Variants in INTS4 observed in about 807,000 individuals in gnomAD.
INTS4 encodes the protein integrator complex subunit 4, also known as MSTP093.
Under a neutral mutation model 119.5 loss-of-function variants are expected in INTS4, and 70 were observed. The observed-to-expected ratio is 0.59, with a 90% confidence interval of 0.48 to 0.71. The LOEUF (loss-of-function observed/expected upper bound fraction) is 0.71. Among genes scored for constraint, INTS4 ranks in the 30% least tolerant of loss-of-function variants. The probability of loss-of-function intolerance (pLI) is 0.00; values close to 1 mark genes in which losing one functional copy is unlikely to be tolerated. For missense variants in INTS4, 867 were observed against 1,173.2 expected, an observed-to-expected ratio of 0.74 and a Z score of 3.81; for synonymous variants, 316 against 419.6, an observed-to-expected ratio of 0.75 and a Z score of 3.02.
At position 77,928,579 on chromosome 11, in the gene INTS4, A is replaced by C. The variant is rs758368001; in HGVS notation, c.1166-32T>G. On this transcript the variant is annotated intron_variant, in intron 10 of 22. Transcript: ENST00000534064. ...AAAAGAACAAATGAAATTGCACATC[A>C]GGCTGGGCACAGTGGCTCACGCCTG... 7 of 1,547,774 alleles carry C rather than the reference A, an allele frequency of 4.5e-6. No homozygotes were observed. In the South Asian group the frequency reaches 8.3e-5, roughly 18 times the overall value.
chr11:77,901,859 C>T (rs1952787921), intron 17 of INTS4, among the ~76,000 whole-genome samples: 2 of 151,548 alleles, frequency 1.3e-5, no homozygotes, highest in South Asian at 4.2e-4. Context: ...TAAATGAAGC[C>T]CACTCTGCTG....
rs199582141 is a variant in INTS4, at chr11:77,880,334, TC to T, written c.2714-1208del. 2.1e-3 allele frequency among the ~76,000 whole-genome samples: 316 copies of T among 152,254 alleles called. 1 individual carries two copies. Among genetic ancestry groups the T allele is most frequent in the African/African-American group, 7.3e-3 (303 of 41,550 alleles). On this transcript the variant is annotated intron_variant, in intron 22 of 22. Transcript: ENST00000534064. ...CAGAGTAGAGACTGGATTGCTGTCC[TC>T]CAGGAAGGGAAAGGTTTGCAGTCAG...
At chr11:77,875,041 CA>C (rs397791397), downstream of INTS4, among the ~76,000 whole-genome samples, 271 of 120,770 alleles carry the variant, frequency 2.2e-3, no homozygotes, top group Non-Finnish European at 2.3e-3. Flanking sequence ...GACTCCATCT[CA>C]AAAAAAAAAA....
intron 8 of INTS4, among the ~76,000 whole-genome samples, chr11:77,949,205 A>G (rs922966120): frequency 3.9e-5 from 6 of 152,240 alleles, no homozygotes; most frequent in African/African-American, 1.4e-4. Context: ...TAAGCCAGAC[A>G]TGGAAAGGCA....
At chr11:77,917,121 T>C (rs1363811242) in intron 15 of INTS4, among the ~76,000 whole-genome samples, 1 of 152,102 alleles carries the variant, frequency 6.6e-6, no homozygotes, top group Non-Finnish European at 1.5e-5. Flanking sequence ...ATCCATCTTG[T>C]CTACATGGGC....
chr11:77,879,522 A>T (rs998258837), intron 22 of INTS4, among the ~76,000 whole-genome samples: 3 of 152,204 alleles, frequency 2.0e-5, no homozygotes, highest in African/African-American at 7.2e-5. Flanking sequence ...TTCCATCTCA[A>T]GCCTCAGGGC....
At chr11:77,993,577 G>C (rs1856783398) in intron 1 of INTS4, among the ~76,000 whole-genome samples, 1 of 152,122 alleles carries the variant, frequency 6.6e-6, no homozygotes, top group African/African-American at 2.4e-5. Context: ...TGTTCTTAAT[G>C]CCACTGAACT....
At chr11:77,963,951 C>T (rs1855367951) in intron 4 of INTS4, among the ~76,000 whole-genome samples, 1 of 152,182 alleles carries the variant, frequency 6.6e-6, no homozygotes, top group Non-Finnish European at 1.5e-5. Flanking sequence ...TTTTTAAGGA[C>T]AGATAACAAT....
intron 18 of INTS4, 68 bp from the exon 19 acceptor site, chr11:77,894,417 G>C (rs559521223): frequency 2.5e-6 from 2 of 807,440 alleles, no homozygotes; most frequent in African/African-American, 3.5e-5. Context: ...AAAAGTCCCA[G>C]AAACCTGAGC....
At chr11:77,918,115 T>C (rs1231410765) in intron 15 of INTS4, 1 of 702,398 alleles carries the variant, frequency 1.4e-6, no homozygotes, top group Admixed American at 2.0e-5. Context: ...GGCTGCTTGA[T>C]GCAGAAGATG....
intron 16 of INTS4, 28 bp from the exon 17 acceptor site, chr11:77,903,648 A>C: frequency 1.3e-6 from 2 of 1,578,206 alleles, no homozygotes; most frequent in Non-Finnish European, 1.7e-6. Flanking sequence ...GAGGGAACAG[A>C]ATACCGAGGT....
At chr11:77,926,069 A>G (rs1250825480) in intron 11 of INTS4, among the ~76,000 whole-genome samples, 1 of 152,238 alleles carries the variant, frequency 6.6e-6, no homozygotes, top group Non-Finnish European at 1.5e-5. Flanking sequence ...TTTAGAATAT[A>G]AGTTTTATGA....
At chr11:77,881,899 T>A (rs4945223) in intron 22 of INTS4, among the ~76,000 whole-genome samples, 2 of 151,684 alleles carry the variant, frequency 1.3e-5, no homozygotes, top group African/African-American at 2.4e-5. Context: ...TCTTGTTTTC[T>A]TGTTTCTGAT....
chr11:77,970,639 G>A (rs1275734278), intron 4 of INTS4, among the ~76,000 whole-genome samples: 3 of 151,044 alleles, frequency 2.0e-5, no homozygotes, highest in African/African-American at 7.3e-5. Context: ...GACCAGCCTG[G>A]GTAACATGCC....
chr11:77,949,028 G>A (rs1954121025), intron 8 of INTS4, among the ~76,000 whole-genome samples: 1 of 152,086 alleles, frequency 6.6e-6, no homozygotes, highest in Admixed American at 6.5e-5. Context: ...CCAGGCTGGA[G>A]TCCCCAGGAG....
intron 11 of INTS4, among the ~76,000 whole-genome samples, chr11:77,927,267 T>C (rs1472360070): frequency 6.6e-6 from 1 of 152,172 alleles, no homozygotes; most frequent in Admixed American, 6.5e-5. Context: ...TGTAAACTTA[T>C]TTTTAGGAAA....
chr11:77,973,902 C>T (rs72941328), intron 4 of INTS4, among the ~76,000 whole-genome samples: 20,698 of 152,060 alleles, frequency 0.14, 1,589 homozygotes, highest in East Asian at 0.25. Context: ...CTGCAGTTTT[C>T]GTTTCTTGTG....
chr11:77,989,021 T>G (rs190428831), intron 2 of INTS4, among the ~76,000 whole-genome samples: 60 of 152,184 alleles, frequency 3.9e-4, no homozygotes, highest in African/African-American at 1.4e-3. Flanking sequence ...TTAGATGACA[T>G]TAAAGAATTA....
intron 14 of INTS4, among the ~76,000 whole-genome samples, chr11:77,920,246 T>C (rs4944181): frequency 0.034 from 1,425 of 42,442 alleles, 23 homozygotes; most frequent in African/African-American, 0.13. Flanking sequence ...TATACATATA[T>C]ATACATATAT....
Sources: gnomAD v4.1 joint callset for allele counts (sites outside exome capture counted in the v4.1 genomes callset) on GRCh38, gnomAD v4.1.1 for gene constraint, MANE v1.5 for transcripts, NCBI Gene and HGNC (gene_info 2026-07-23, HGNC 2026-07-21) for gene names.